The following PACS1 variants were observed in gnomAD, a reference collection of about 807,000 sequenced individuals.
The protein encoded by PACS1 is PACS-1.
A neutral mutation model predicts 115.0 loss-of-function variants in PACS1; 24 were observed. That is an observed-to-expected ratio of 0.21 (90% CI 0.15 to 0.29). The LOEUF (loss-of-function observed/expected upper bound fraction) is 0.29. Ranked by LOEUF, PACS1 falls within the 10% of genes least tolerant of loss-of-function variation. The pLI, the probability that PACS1 is intolerant of heterozygous loss-of-function variation, is 1.00. For synonymous variants in PACS1, 453 were observed against 504.5 expected (o/e 0.90, Z 1.37); for missense variants, 838 against 1,251.2 (o/e 0.67, Z 4.98).
At chr11:66,086,741 G>A (rs919253875) in intron 1 of PACS1, among the ~76,000 whole-genome samples, 20 of 151,746 alleles carry the variant, frequency 1.3e-4, no homozygotes, top group Admixed American at 1.3e-3. Flanking sequence ...TCAGCCTCCT[G>A]AGTAGCTGGG....
At chr11:66,190,475 G>T (rs1451031507) in intron 1 of PACS1, among the ~76,000 whole-genome samples, 7 of 152,106 alleles carry the variant, frequency 4.6e-5, no homozygotes, top group African/African-American at 1.7e-4. Flanking sequence ...ACCCAGGCTG[G>T]AGTGCAATGG....
At chr11:66,220,887 A>C in intron 9 of PACS1, 96 bp downstream of exon 9, 1 of 1,337,588 alleles carries the variant, frequency 7.5e-7, no homozygotes, top group Non-Finnish European at 1.0e-6. Context: ...TTACCAGAGA[A>C]TCTTGGTCCT....
At chr11:66,225,565 C>T (rs1408240809) in intron 10 of PACS1, among the ~76,000 whole-genome samples, 1 of 152,156 alleles carries the variant, frequency 6.6e-6, no homozygotes, top group Admixed American at 6.5e-5. Flanking sequence ...ACAGTGTATC[C>T]ATACATCAAA....
intron 1 of PACS1, among the ~76,000 whole-genome samples, chr11:66,157,578 G>T (rs1156615039): frequency 2.6e-5 from 4 of 152,076 alleles, no homozygotes; most frequent in Non-Finnish European, 5.9e-5. Flanking sequence ...AGTCTAACCT[G>T]GGGAAACCCT....
At chr11:66,179,446 G>C (rs1859950188) in intron 1 of PACS1, among the ~76,000 whole-genome samples, 1 of 152,140 alleles carries the variant, frequency 6.6e-6, no homozygotes, top group Non-Finnish European at 1.5e-5. Context: ...TCCAAAGCTG[G>C]GATTACAGAC....
chr11:66,239,843 C>T (rs1371379803), intron 21 of PACS1, among the ~76,000 whole-genome samples: 1 of 152,208 alleles, frequency 6.6e-6, no homozygotes, highest in Non-Finnish European at 1.5e-5. Flanking sequence ...GAAGTGGCCA[C>T]CTTGCAGGAC....
intron 1 of PACS1, among the ~76,000 whole-genome samples, chr11:66,091,154 AT>A (rs1260223245): frequency 6.6e-6 from 1 of 151,856 alleles, no homozygotes; most frequent in African/African-American, 2.4e-5. Context: ...TTACTTATTT[AT>A]TTTTTTGAGA....
chr11:66,152,060 C>G (rs974831824), intron 1 of PACS1, among the ~76,000 whole-genome samples: 5 of 152,048 alleles, frequency 3.3e-5, no homozygotes, highest in African/African-American at 1.2e-4. Flanking sequence ...TAGTGAGACC[C>G]CACCTCTACA....
rs972218145 is a variant in PACS1 at position 66,233,731 on chromosome 11, G to A, written c.1839-54G>A. On this transcript the variant is annotated intron_variant, in intron 15 of 23. Transcript: ENST00000320580. The surrounding 1 kb of genome is among the most constrained non-coding windows in gnomAD (Gnocchi z 4.5). ...AGAAAGTCAGCTCTGGGCCTCCCCC[G>A]GGCAGGATCCTGGCACCCCTGAGCA... 1.2e-5 allele frequency: 18 copies of A among 1,540,146 alleles called. 1 individual carries two copies. The South Asian group carries it at 1.6e-4, about 14-fold the overall frequency.
At chr11:66,168,161 CA>C (rs1167543536) in intron 1 of PACS1, among the ~76,000 whole-genome samples, 4 of 150,174 alleles carry the variant, frequency 2.7e-5, no homozygotes, top group African/African-American at 7.6e-5. Flanking sequence ...CCTGGCCTCC[CA>C]AAGTGTTGGG....
At chr11:66,080,743 T>A (rs1231747045) in intron 1 of PACS1, among the ~76,000 whole-genome samples, 1 of 152,202 alleles carries the variant, frequency 6.6e-6, no homozygotes, top group Non-Finnish European at 1.5e-5. Context: ...TAATATTTAA[T>A]GCCTTATTCT....
At chr11:66,232,896 T>A in intron 14 of PACS1, 64 bp from the exon 15 acceptor site, 1 of 1,248,640 alleles carries the variant, frequency 8.0e-7, no homozygotes, top group Non-Finnish European at 1.2e-6. Context: ...ACTTGCCTCT[T>A]GGCCCTTGTG....
intron 1 of PACS1, 62 bp from the exon 2 acceptor site, chr11:66,193,424 G>T: frequency 8.6e-7 from 1 of 1,159,418 alleles, no homozygotes; most frequent in Admixed American, 1.7e-5. Context: ...CTAACCAATT[G>T]TTCATCACTT....
At chr11:66,132,552 T>C (rs1014965693) in intron 1 of PACS1, among the ~76,000 whole-genome samples, 1 of 152,150 alleles carries the variant, frequency 6.6e-6, no homozygotes, top group African/African-American at 2.4e-5. Flanking sequence ...GTTAATACAA[T>C]GTAAATGCTA....
At chr11:66,204,870 G>C (rs1257162102) in intron 2 of PACS1, among the ~76,000 whole-genome samples, 1 of 152,136 alleles carries the variant, frequency 6.6e-6, no homozygotes, top group African/African-American at 2.4e-5. Context: ...GGCCAAGCAT[G>C]GTGGCTCACG....
intron 20 of PACS1, 143 bp from the exon 21 acceptor site, chr11:66,238,999 G>C (rs1479520435): frequency 7.2e-7 from 1 of 1,394,466 alleles, no homozygotes; most frequent in Non-Finnish European, 1.0e-6. Flanking sequence ...CCCTGCTGCG[G>C]TGGTGGCTGG....
chr11:66,202,525 A>G (rs1283713193), intron 2 of PACS1, among the ~76,000 whole-genome samples: 3 of 151,870 alleles, frequency 2.0e-5, no homozygotes, highest in Non-Finnish European at 4.4e-5. Context: ...ATGGTTCAGC[A>G]TACACAAATC....
chr11:66,222,191 T>C (rs535394510), intron 10 of PACS1, among the ~76,000 whole-genome samples: 19 of 152,034 alleles, frequency 1.2e-4, no homozygotes, highest in African/African-American at 4.6e-4. Flanking sequence ...GTTTGGCCAG[T>C]AGTGAGTGGC....
intron 11 of PACS1, among the ~76,000 whole-genome samples, chr11:66,227,948 A>C (rs972483074): frequency 6.6e-6 from 1 of 152,178 alleles, no homozygotes; most frequent in Non-Finnish European, 1.5e-5. Flanking sequence ...CACAACATTC[A>C]GTCTCTGACT....
Sources: gnomAD v4.1 joint callset for allele counts (sites outside exome capture counted in the v4.1 genomes callset) on GRCh38, gnomAD v4.1.1 for gene constraint, Gnocchi (gnomAD v3.1) non-coding constraint, MANE v1.5 for transcripts, NCBI Gene and HGNC (gene_info 2026-07-23, HGNC 2026-07-21) for gene names.